NEK11: variants seen among roughly 807,000 people sequenced by gnomAD.
The protein encoded by NEK11 is NIMA related kinase 11, also known as serine/threonine-protein kinase Nek11.
NEK11 carries 72 observed loss-of-function variants against 80.7 expected under a neutral mutation model. That is an observed-to-expected ratio of 0.89 (90% confidence interval 0.74 to 1.08). NEK11 has a LOEUF of 1.08. Ranked by LOEUF, NEK11 falls within the 50% of genes least tolerant of loss-of-function variation. NEK11 has a pLI of 0.00. For synonymous variants in NEK11, 251 were observed against 260.7 expected, an observed-to-expected ratio of 0.96 and a Z score of 0.36; for missense variants, 764 against 763.6, an observed-to-expected ratio of 1.00 and a Z score of -0.01.
chr3:131,035,653 C>T (rs924854336), intron 3 of NEK11, among the ~76,000 whole-genome samples: 12 of 151,980 alleles, frequency 7.9e-5, no homozygotes, highest in African/African-American at 2.7e-4. Flanking sequence ...CATGATTCCA[C>T]TTCTTAATCT....
intron 13 of NEK11, among the ~76,000 whole-genome samples, chr3:131,170,174 C>T (rs1025807634): frequency 1.3e-5 from 2 of 152,124 alleles, no homozygotes; most frequent in Non-Finnish European, 2.9e-5. Flanking sequence ...GGTTCAAACA[C>T]AAATACACAC....
intron 14 of NEK11, among the ~76,000 whole-genome samples, chr3:131,189,715 G>T (rs1263235510): frequency 1.3e-5 from 2 of 152,114 alleles, no homozygotes; most frequent in African/African-American, 4.8e-5. Flanking sequence ...GACTGTCTGG[G>T]TTATAATTCT....
intron 17 of NEK11, among the ~76,000 whole-genome samples, chr3:131,307,998 C>T (rs2096739548): frequency 6.6e-6 from 1 of 152,104 alleles, no homozygotes; most frequent in South Asian, 2.1e-4. Flanking sequence ...AAATATGTGA[C>T]ACTTGAAGAA....
At chr3:131,254,651 T>C (rs1416491314) in intron 16 of NEK11, among the ~76,000 whole-genome samples, 1 of 152,172 alleles carries the variant, frequency 6.6e-6, no homozygotes, top group Non-Finnish European at 1.5e-5. Context: ...CCAGTTTGGA[T>C]GTACAAAGCC....
At chr3:131,318,739 G>GTATATATATATA (rs35126140) in intron 17 of NEK11, among the ~76,000 whole-genome samples, 1 of 145,538 alleles carries the variant, frequency 6.9e-6, no homozygotes, top group Non-Finnish European at 1.5e-5. Flanking sequence ...GTGTACATGT[G>GTATATATATATA]TATATATATA....
rs2095261201 is a variant in NEK11 at position 131,228,579 on chromosome 3, A to T, written c.1451A>T (p.Asp484Val). ...VAEEYYADAF[D>V]SYCEESDEEE... ...GAAGAGTACTACGCTGATGCATTTG[A>T]TTCCTATTGTGAAGAGAGTGATGAG... is the stretch of plus-strand genomic sequence containing the variant. Residue 484 changes from aspartate (D) to valine (V), a missense_variant, in exon 15 of 18, where the codon GAT becomes GTT. Coordinates refer to ENST00000383366, the MANE Select transcript of NEK11 (RefSeq NM_024800.5). 1.2e-6 allele frequency: 2 copies of T among 1,613,594 alleles called. No individual in the cohort carries two copies. The highest frequency in any genetic ancestry group is 4.5e-5 in the East Asian group (2 of 44,870).
chr3:131,176,119 G>A (rs1326994045), intron 14 of NEK11, among the ~76,000 whole-genome samples: 1 of 152,124 alleles, frequency 6.6e-6, no homozygotes, highest in African/African-American at 2.4e-5. Flanking sequence ...GGGGGTGGAG[G>A]TGCACACATC....
At chr3:131,067,154 G>C (rs1448825226) in intron 3 of NEK11, among the ~76,000 whole-genome samples, 1 of 152,082 alleles carries the variant, frequency 6.6e-6, no homozygotes, top group East Asian at 1.9e-4. Context: ...TCCTTTTAAG[G>C]TGCATGACAG....
chr3:131,114,379 A>G (rs1330075651), intron 5 of NEK11, among the ~76,000 whole-genome samples: 1 of 152,236 alleles, frequency 6.6e-6, no homozygotes, highest in Non-Finnish European at 1.5e-5. Context: ...GTCATGCTGT[A>G]TTAACAAAAC....
chr3:131,087,263 CAG>C (rs1269002955), intron 4 of NEK11, among the ~76,000 whole-genome samples: 2 of 102,228 alleles, frequency 2.0e-5, no homozygotes, highest in African/African-American at 7.3e-5. Context: ...TTTTTTGAGA[CAG>C]AGTCTCACCT....
chr3:131,184,378 C>T (rs550548446), intron 14 of NEK11, among the ~76,000 whole-genome samples: 23 of 152,194 alleles, frequency 1.5e-4, no homozygotes, highest in African/African-American at 3.9e-4. Flanking sequence ...CTCAGTGATT[C>T]GTAGGCACAT....
At chr3:131,214,103 C>T (rs560454572) in intron 14 of NEK11, among the ~76,000 whole-genome samples, 1 of 152,312 alleles carries the variant, frequency 6.6e-6, no homozygotes, top group Admixed American at 6.5e-5. Context: ...GACTTCCCAG[C>T]CTTCAAAACT....
chr3:131,324,213 C>T (rs977995450), intron 17 of NEK11, among the ~76,000 whole-genome samples: 2 of 152,076 alleles, frequency 1.3e-5, no homozygotes, highest in Non-Finnish European at 2.9e-5. Flanking sequence ...TATTAAGGGT[C>T]GGGGGATTCT....
chr3:131,213,803 G>T (rs1349468515), intron 14 of NEK11, among the ~76,000 whole-genome samples: 1 of 152,144 alleles, frequency 6.6e-6, no homozygotes, highest in East Asian at 1.9e-4. Flanking sequence ...TGTGCACACT[G>T]GTTGTAATGC....
chr3:131,078,800 A>G (rs922334934), intron 3 of NEK11, among the ~76,000 whole-genome samples: 3 of 151,964 alleles, frequency 2.0e-5, no homozygotes, highest in Non-Finnish European at 2.9e-5. Flanking sequence ...CTTAAAATAT[A>G]TAACTGTACA....
chr3:131,255,103 A>G (rs1249964763), intron 16 of NEK11, among the ~76,000 whole-genome samples: 1 of 150,868 alleles, frequency 6.6e-6, no homozygotes, highest in Non-Finnish European at 1.5e-5. Flanking sequence ...AAAGAAAGAA[A>G]GAAAGAAAGA....
intron 14 of NEK11, among the ~76,000 whole-genome samples, chr3:131,181,272 G>T (rs550487019): frequency 1.3e-5 from 2 of 152,302 alleles, no homozygotes; most frequent in Non-Finnish European, 2.9e-5. Flanking sequence ...AACATTGCTA[G>T]CTTTGAAGAT....
intron 4 of NEK11, among the ~76,000 whole-genome samples, chr3:131,108,303 TC>T (rs1219697079): frequency 6.6e-6 from 1 of 152,170 alleles, no homozygotes; most frequent in African/African-American, 2.4e-5. Context: ...TAAATGTTCT[TC>T]CTTTGCATCT....
rs554237250 is a variant in NEK11 at position 131,221,669 on chromosome 3, T to A, written c.1400-6859T>A. ...CCTGTTTTATGAAAACACTCTTTTT[T>A]AAAAAAATTGTTAATGTATATCTGG... On this transcript the variant is annotated intron_variant, in intron 14 of 17. Coordinates refer to ENST00000383366, the MANE Select transcript of NEK11 (RefSeq NM_024800.5). Among the ~76,000 whole-genome samples the A allele has an allele frequency of 2.1e-4, 32 of 152,272 alleles. No homozygotes were observed. In the South Asian group the frequency reaches 6.0e-3, roughly 29 times the overall value.
Sources: allele counts gnomAD v4.1 joint callset (sites outside exome capture counted in the v4.1 genomes callset), GRCh38; gene constraint gnomAD v4.1.1; transcripts MANE v1.5; gene names NCBI Gene and HGNC (gene_info 2026-07-23, HGNC 2026-07-21).